The following ACTR3 variants were observed in gnomAD, a reference collection of about 807,000 sequenced individuals.
ACTR3 encodes the protein actin-related protein 3.
A neutral mutation model predicts 56.8 loss-of-function variants in ACTR3; 12 were observed. The ratio of observed to expected loss-of-function variants is 0.21; its 90% CI spans 0.14 to 0.34. The LOEUF (loss-of-function observed/expected upper bound fraction) is 0.34. Ranked by LOEUF, ACTR3 falls within the 10% of genes least tolerant of loss-of-function variation. ACTR3 has a pLI of 1.00. For missense variants in ACTR3, 282 were observed against 512.5 expected (o/e 0.55, Z 4.34); for synonymous variants, 162 against 167.4 (o/e 0.97, Z 0.25).
intron 3 of ACTR3, among the ~76,000 whole-genome samples, chr2:113,917,604 C>G (rs1679431039): frequency 6.6e-6 from 1 of 152,172 alleles, no homozygotes; most frequent in African/African-American, 2.4e-5. Flanking sequence ...AAAATAAATG[C>G]TATTCTGACC....
At chr2:113,902,961 TG>T (rs747749271) in intron 1 of ACTR3, among the ~76,000 whole-genome samples, 3 of 152,268 alleles carry the variant, frequency 2.0e-5, no homozygotes, top group Non-Finnish European at 4.4e-5. Flanking sequence ...AGCTAATTAA[TG>T]TATTTGTTAC....
At chr2:113,923,378 C>A (rs1177627046) in intron 3 of ACTR3, among the ~76,000 whole-genome samples, 4 of 151,978 alleles carry the variant, frequency 2.6e-5, no homozygotes, top group African/African-American at 9.7e-5. Flanking sequence ...GGCTCTGTCG[C>A]CCAGGCTAGA....
intron 10 of ACTR3, chr2:113,953,020 T>A (rs1197515851): frequency 6.6e-6 from 1 of 152,302 alleles, no homozygotes; most frequent in African/African-American, 2.4e-5. Context: ...ATAGTGCATG[T>A]TCTGGTTTTT....
chr2:113,931,103 C>T (rs1679716140), intron 4 of ACTR3, among the ~76,000 whole-genome samples, 198 bp from the exon 5 acceptor site: 1 of 151,702 alleles, frequency 6.6e-6, no homozygotes, highest in African/African-American at 2.4e-5. Context: ...ATGTGAATTA[C>T]CATACTGTTT....
At chr2:113,924,878 T>C (rs1235964096) in intron 3 of ACTR3, among the ~76,000 whole-genome samples, 2 of 145,798 alleles carry the variant, frequency 1.4e-5, no homozygotes, top group Non-Finnish European at 3.0e-5. Flanking sequence ...GGTCATCTTA[T>C]TCAAGGAACT....
Position 113,962,008 on chromosome 2 carries a change from A to G in ACTR3, c.*4553A>G, listed in dbSNP as rs1472555170. The stretch of plus-strand genomic sequence containing the variant: ...CAGTGCCTGACATATTGCTTGGCAT[A>G]TAGTAGTTTAGTGGATGTGTTTGAT... On this transcript the variant is annotated 3_prime_UTR_variant, in exon 12 of 12. Transcript: ENST00000263238. The G allele has an allele frequency of 6.6e-5, 10 of 152,018 alleles. No individual in the cohort carries two copies. The highest frequency in any genetic ancestry group is 6.6e-4 in the Admixed American group (10 of 15,232). 9.4% of individuals were successfully genotyped at this position (152,018 alleles called of 1,614,324 possible). A position where few individuals can be genotyped will look rare whatever the true frequency, so the allele number is the denominator to read the frequency against.
intron 5 of ACTR3, 138 bp from the exon 6 acceptor site, chr2:113,934,141 G>A (rs1437666886): frequency 3.3e-6 from 2 of 608,770 alleles, no homozygotes; most frequent in Non-Finnish European, 5.7e-6. Context: ...TTAATTTTAT[G>A]TATTTTCTTT....
Position 113,961,082 on chromosome 2 carries a change from C to T in ACTR3, c.*3627C>T, listed in dbSNP as rs554494481. 6.6e-6 allele frequency: 1 copy of T among 152,072 alleles called. No homozygotes were observed. The highest frequency in any genetic ancestry group is 2.1e-4 in the South Asian group (1 of 4,828). The allele number at this position is 152,072 out of a possible 1,614,324, so 9.4% of individuals were successfully genotyped here. A position where few individuals can be genotyped will look rare whatever the true frequency, so the allele number is the denominator to read the frequency against. On this transcript the variant is annotated 3_prime_UTR_variant, in exon 12 of 12. Coordinates refer to ENST00000263238, the MANE Select transcript of ACTR3 (RefSeq NM_005721.5). ...CTGGAGGGCTGGGATGGCTTTTGGA[C>T]TTCAGTGAAAAAGAATTTCTGCTAC...
intron 10 of ACTR3, chr2:113,953,560 T>C (rs1680157647): frequency 6.6e-6 from 1 of 152,212 alleles, no homozygotes; most frequent in African/African-American, 2.4e-5. Context: ...GTAACTTTTA[T>C]AGATCTTAAT....
chr2:113,948,271 T>G (rs752539252), intron 8 of ACTR3, among the ~76,000 whole-genome samples: 6 of 152,148 alleles, frequency 3.9e-5, no homozygotes, highest in Non-Finnish European at 8.8e-5. Flanking sequence ...CACCTCAGAC[T>G]CCCAAGTAGC....
rs935675214 is a variant in ACTR3, at chr2:113,961,693, T to G, written c.*4238T>G. On this transcript the variant is annotated 3_prime_UTR_variant, in exon 12 of 12. Transcript: ENST00000263238. The stretch of plus-strand genomic sequence containing the variant: ...TACTGTGCATAAAGATGAATAAATA[T>G]TCTGTCCTTGGCTTAGTCTAATAGT... The G allele has an allele frequency of 6.6e-6, 1 of 151,974 alleles. No homozygotes were observed. The highest frequency in any genetic ancestry group is 1.5e-5 in the Non-Finnish European group (1 of 67,878). The allele number at this position is 151,974 out of a possible 1,614,324, so 9.4% of individuals were successfully genotyped here. A position where few individuals can be genotyped will look rare whatever the true frequency, so the allele number is the denominator to read the frequency against.
intron 3 of ACTR3, among the ~76,000 whole-genome samples, chr2:113,918,286 C>G (rs1005870260): frequency 6.6e-6 from 1 of 152,038 alleles, no homozygotes; most frequent in Non-Finnish European, 1.5e-5. Flanking sequence ...TAATTTCTAA[C>G]TTTGTGATAT....
At chr2:113,943,892 G>C (rs10199930) in intron 8 of ACTR3, among the ~76,000 whole-genome samples, 1 of 152,198 alleles carries the variant, frequency 6.6e-6, no homozygotes, top group African/African-American at 2.4e-5. Context: ...TGGCTGAGAA[G>C]GGGCTGTGGA....
At chr2:113,942,110 T>G in intron 7 of ACTR3, 76 bp from the exon 8 acceptor site, 1 of 1,168,070 alleles carries the variant, frequency 8.6e-7, no homozygotes, top group Non-Finnish European at 1.2e-6. Context: ...GATTATAGTT[T>G]ACTGAAAACA....
chr2:113,951,463 C>A lies in ACTR3; in HGVS notation c.859-16C>A, dbSNP rs764393110. On this transcript the variant is annotated splice_polypyrimidine_tract_variant and intron_variant, in intron 8 of 11. Coordinates refer to ENST00000263238, the MANE Select transcript of ACTR3 (RefSeq NM_005721.5). ...TAGTGATATGATCTCTATTATATATCCAACTTATTTTTCAGTTTGCTAATC... is the reference window on the plus strand; with the variant it reads ...TAGTGATATGATCTCTATTATATATACAACTTATTTTTCAGTTTGCTAATC... 3.2e-6 allele frequency: 5 copies of A among 1,539,578 alleles called. No individual in the cohort carries two copies. Among genetic ancestry groups the A allele is most frequent in the Admixed American group, 1.7e-5 (1 of 59,618 alleles).
At chr2:113,918,459 C>T (rs1265066799) in intron 3 of ACTR3, among the ~76,000 whole-genome samples, 1 of 151,050 alleles carries the variant, frequency 6.6e-6, no homozygotes, top group African/African-American at 2.4e-5. Context: ...ACATGACTCA[C>T]TGCAGCCTTG....
chr2:113,891,785 T>G (rs1559450279), intron 1 of ACTR3, among the ~76,000 whole-genome samples: 1 of 152,150 alleles, frequency 6.6e-6, no homozygotes, highest in African/African-American at 2.4e-5. Flanking sequence ...CTTCTTAATA[T>G]TCTCCTAGGA....
intron 3 of ACTR3, among the ~76,000 whole-genome samples, chr2:113,924,981 C>G (rs1168676060): frequency 6.6e-6 from 1 of 151,980 alleles, no homozygotes; most frequent in Admixed American, 6.6e-5. Context: ...ACTGCAACCT[C>G]TGACTCCTGG....
At chr2:113,931,806 C>T (rs928643142) in intron 5 of ACTR3, among the ~76,000 whole-genome samples, 1 of 150,964 alleles carries the variant, frequency 6.6e-6, no homozygotes, top group Non-Finnish European at 1.5e-5. Flanking sequence ...TATTTGACAC[C>T]CTAATATTTC....
Sources: allele counts gnomAD v4.1 joint callset (sites outside exome capture counted in the v4.1 genomes callset), GRCh38; gene constraint gnomAD v4.1.1; transcripts MANE v1.5; gene names NCBI Gene and HGNC (gene_info 2026-07-23, HGNC 2026-07-21).